Variants in HUWE1 observed in about 807,000 individuals in gnomAD.
HUWE1 encodes E3 ubiquitin-protein ligase HUWE1.
In HUWE1, 18 loss-of-function variants were observed where a neutral mutation model predicts 299.4. That is an observed-to-expected ratio of 0.06 (90% confidence interval 0.04 to 0.09). HUWE1 has a LOEUF of 0.09. Among genes scored for constraint, HUWE1 ranks in the 10% least tolerant of loss-of-function variants. The probability of loss-of-function intolerance (pLI) is 1.00; values close to 1 mark genes in which losing one functional copy is unlikely to be tolerated. For synonymous variants in HUWE1, 1,317 were observed against 1,286.1 expected, an observed-to-expected ratio of 1.02 and a Z score of -0.51; for missense variants, 1,832 against 3,462.3, an observed-to-expected ratio of 0.53 and a Z score of 11.82.
intron 83 of HUWE1, 184 bp from the exon 84 acceptor site, chrX:53,533,595 C>A: frequency 4.2e-6 from 2 of 470,670 alleles, no homozygotes; most frequent in Admixed American, 6.6e-5. Context: ...GGCCATCAGG[C>A]ACCAAAACCA....
chrX:53,604,615 ACAT>A lies in HUWE1; in HGVS notation c.2713_2715del (p.Met905del), dbSNP rs782637794. The A allele has an allele frequency of 8.3e-7, 1 of 1,211,730 alleles. No individual in the cohort carries two copies. The highest frequency in any genetic ancestry group is 1.1e-6 in the Non-Finnish European group (1 of 895,243). On this transcript the variant is annotated inframe_deletion, in exon 26 of 84. Transcript: ENST00000262854. ...TGTCCAACTCTGCAAGTATGAACAA[ACAT>A]CATGATGTAGGCATGGGCAGCAGTG...
At position 53,627,597 on chromosome X, in the gene HUWE1, G is replaced by A. The variant is rs1021815914; in HGVS notation, c.1384-82C>T. ...TTCAGGGATTAAAAACTATTATAAT[G>A]GAAAAACACTGCAAGCAGATACACA... is the stretch of plus-strand genomic sequence containing the variant. On this transcript the variant is annotated intron_variant, in intron 16 of 83. Coordinates refer to ENST00000262854, the MANE Select transcript of HUWE1 (RefSeq NM_031407.7). 9.3e-6 allele frequency: 7 copies of A among 749,109 alleles called. No individual in the cohort carries two copies. In the African/African-American group the frequency reaches 1.3e-4, roughly 14 times the overall value. 61.7% of individuals were successfully genotyped at this position (749,109 alleles called of 1,213,427 possible).
Position 53,552,760 on chromosome X carries a change from T to C in HUWE1, c.8628A>G (p.Ala2876=), listed in dbSNP as rs2061818163. The change falls in exon 62 of 84, where the codon GCA becomes GCG. Residue 2876 remains alanine (A), a synonymous_variant. Coordinates refer to ENST00000262854, the MANE Select transcript of HUWE1 (RefSeq NM_031407.7). ...TLEEAVGDTS[A]AGSSEQPRAG... Reference sequence around the variant, plus strand: ...CTCTGGGCTGCTCAGAACTGCCAGCTGCTGAAGTGTCACCCACAGCCTCCT... The same window carrying C: ...CTCTGGGCTGCTCAGAACTGCCAGCCGCTGAAGTGTCACCCACAGCCTCCT... The C allele has an allele frequency of 8.3e-7, 1 of 1,210,241 alleles. No individual in the cohort carries two copies. The highest frequency in any genetic ancestry group is 1.8e-5 in the South Asian group (1 of 56,849).
intron 60 of HUWE1, 107 bp downstream of exon 60, chrX:53,557,275 G>A: frequency 1.5e-6 from 1 of 659,379 alleles, no homozygotes; most frequent in South Asian, 2.2e-5. Flanking sequence ...TCATCCCACA[G>A]AGCACCAGTG....
Position 53,628,482 on chromosome X carries a change from A to G in HUWE1, c.1242+11T>C. On this transcript the variant is annotated intron_variant, in intron 15 of 83. Transcript: ENST00000262854. ...TGTAGTTTAAAAAAAAAAAAAAAAA[A>G]AGTACAGCACCTTCAATAAGGCTTC... is the stretch of plus-strand genomic sequence containing the variant. 8.7e-7 allele frequency: 1 copy of G among 1,150,488 alleles called. No individual in the cohort carries two copies. Among genetic ancestry groups the G allele is most frequent in the Non-Finnish European group, 1.2e-6 (1 of 865,983 alleles). The allele number at this position is 1,150,488 out of a possible 1,213,427, so 94.8% of individuals were successfully genotyped here.
At chrX:53,589,233 C>T (rs1297385609) in intron 36 of HUWE1, among the ~76,000 whole-genome samples, 1 of 111,808 alleles carries the variant, frequency 8.9e-6, no homozygotes, top group Non-Finnish European at 1.9e-5. Flanking sequence ...GTTGTTCAAG[C>T]GGCTGTTACA....
chrX:53,551,811 CCT>C (rs2061777948), intron 63 of HUWE1, among the ~76,000 whole-genome samples: 1 of 111,626 alleles, frequency 9.0e-6, no homozygotes, highest in African/African-American at 3.3e-5. Flanking sequence ...CCGCGCCCAG[CCT>C]CTCACACCTC....
At chrX:53,652,966 G>C (rs993864431) in intron 4 of HUWE1, among the ~76,000 whole-genome samples, 93 of 112,014 alleles carry the variant, frequency 8.3e-4, no homozygotes, top group African/African-American at 2.9e-3. Context: ...TGGGCAACAA[G>C]GCAAGATCCT....
chrX:53,681,183 C>T (rs1311731057), intron 2 of HUWE1, among the ~76,000 whole-genome samples: 1 of 111,158 alleles, frequency 9.0e-6, no homozygotes, highest in East Asian at 2.8e-4. Context: ...AGCCTGTAAT[C>T]TCAGCACTTT....
At chrX:53,599,873 G>A (rs2064726983) in intron 29 of HUWE1, among the ~76,000 whole-genome samples, 1 of 111,920 alleles carries the variant, frequency 8.9e-6, no homozygotes, top group East Asian at 2.8e-4. Flanking sequence ...GAGTAAGTAG[G>A]AGGAAGAAAT....
At chrX:53,534,428 G>T (rs1474593281) in intron 82 of HUWE1, 88 bp downstream of exon 82, 19 of 856,554 alleles carry the variant, frequency 2.2e-5, no homozygotes, top group Non-Finnish European at 2.9e-5. Flanking sequence ...CTTCCTCTAA[G>T]AGTACTACTG....
At chrX:53,612,694 A>AACC (rs1569490852) in intron 23 of HUWE1, among the ~76,000 whole-genome samples, 6 of 111,766 alleles carry the variant, frequency 5.4e-5, no homozygotes, top group African/African-American at 2.0e-4. Flanking sequence ...TGGAGGTAAA[A>AACC]AACCAACCAA....
Position 53,603,401 on chromosome X carries a change from C to T in HUWE1, c.2843G>A (p.Ser948Asn). The T allele has an allele frequency of 8.3e-7, 1 of 1,208,328 alleles. No homozygotes were observed. The highest frequency in any genetic ancestry group is 3.0e-5 in the East Asian group (1 of 33,796). The change falls in exon 27 of 84, where the codon AGC becomes AAC. Residue 948 changes from serine to asparagine, a missense_variant. Transcript: ENST00000262854. ...GGTACACAGAGAGAGGAGGACAGTG[C>T]TTTCCCACACCAGGGAACAGTATAA... ...SQLYCSLVWESTVLLSLCTPN... is the reference protein window; with the variant it reads ...SQLYCSLVWENTVLLSLCTPN...
Position 53,603,355 on chromosome X carries a change from G to A in HUWE1, c.2876+13C>T, listed in dbSNP as rs1410167792. On this transcript the variant is annotated intron_variant, in intron 27 of 83. Coordinates refer to ENST00000262854, the MANE Select transcript of HUWE1 (RefSeq NM_031407.7). ...AGATAACAAAGTAATAAGAGAGAGA[G>A]CCATTCTCTTACCTGTTTGGGGTAC... is the stretch of plus-strand genomic sequence containing the variant. 8.3e-7 allele frequency: 1 copy of A among 1,205,048 alleles called. No individual in the cohort carries two copies. The highest frequency in any genetic ancestry group is 1.1e-6 in the Non-Finnish European group (1 of 890,271).
chrX:53,670,452 T>G (rs184182656), intron 3 of HUWE1, among the ~76,000 whole-genome samples: 1 of 111,561 alleles, frequency 9.0e-6, no homozygotes, highest in East Asian at 2.8e-4. Flanking sequence ...GCCTATAAAA[T>G]AAGGAGTTTG....
chrX:53,680,171 C>A lies in HUWE1; in HGVS notation c.-147G>T. ...CTCTGGATCACTAACCCACTCAGGTCAGGCTGCTGGAGGACCTACAAAAAA... is the reference window on the plus strand; with the variant it reads ...CTCTGGATCACTAACCCACTCAGGTAAGGCTGCTGGAGGACCTACAAAAAA... On this transcript the variant is annotated 5_prime_UTR_variant, in exon 3 of 84. It removes the in-frame stop codon of an upstream open reading frame in the 5' UTR. Coordinates refer to ENST00000262854, the MANE Select transcript of HUWE1 (RefSeq NM_031407.7). 1 of 296,757 alleles carries A rather than the reference C, an allele frequency of 3.4e-6. No individual in the cohort carries two copies. Among genetic ancestry groups the A allele is most frequent in the South Asian group, 2.0e-4 (1 of 4,974 alleles). 24.5% of individuals were successfully genotyped at this position (296,757 alleles called of 1,213,427 possible). A position where few individuals can be genotyped will look rare whatever the true frequency, so the allele number is the denominator to read the frequency against.
At chrX:53,579,186 G>A (rs1416272288) in intron 43 of HUWE1, among the ~76,000 whole-genome samples, 1 of 4,131 alleles carries the variant, frequency 2.4e-4, no homozygotes, top group Non-Finnish European at 4.6e-4. Flanking sequence ...CGCCCCGTCC[G>A]GGAGGGAGGT....
intron 8 of HUWE1, among the ~76,000 whole-genome samples, chrX:53,633,382 C>A (rs2066995906): frequency 8.9e-6 from 1 of 112,358 alleles, no homozygotes; most frequent in African/African-American, 3.2e-5. Flanking sequence ...GAATTCCAAA[C>A]TCTGAATATA....
chrX:53,607,149 G>C (rs1556997470), intron 25 of HUWE1, among the ~76,000 whole-genome samples: 5 of 111,081 alleles, frequency 4.5e-5, no homozygotes, highest in Non-Finnish European at 9.4e-5. Context: ...AAGCTTGAAA[G>C]GGGAGGAAAA....
Sources: gnomAD v4.1 joint callset for allele counts (sites outside exome capture counted in the v4.1 genomes callset) on GRCh38, gnomAD v4.1.1 for gene constraint, MANE v1.5 for transcripts, NCBI Gene and HGNC (gene_info 2026-07-23, HGNC 2026-07-21) for gene names.